Variants in OR11H12 observed in about 807,000 individuals in gnomAD.
OR11H12 encodes the protein olfactory receptor family 11 subfamily H member 12.
OR11H12 carries 10 observed loss-of-function variants against 19.8 expected under a neutral mutation model. That is an observed-to-expected ratio of 0.51 (90% confidence interval 0.31 to 0.86). The LOEUF (loss-of-function observed/expected upper bound fraction) is 0.86, where lower values mean the gene tolerates loss of function less well. OR11H12 is among the 40% of genes least tolerant of loss of function. The pLI is 0.04. For missense variants in OR11H12, 123 were observed against 384.2 expected (o/e 0.32, Z 5.68); for synonymous variants, 40 against 140.5 (o/e 0.28, Z 5.06).
In OR11H12 at chr14:18,601,983, A is replaced by C; in HGVS notation, c.867A>C (p.Glu289Asp). Residue 289 changes from glutamate to aspartate, a missense_variant, in exon 1 of 1, where the codon GAA (glutamate) becomes GAC (aspartate). By Grantham distance (45) the Glu-to-Asp change is conservative (BLOSUM62 2). Coordinates refer to ENST00000550708, the MANE Select transcript of OR11H12 (RefSeq NM_001013354.1). The part of the protein sequence containing the change: ...LGHSTGMQKI[E>D]TLFYAMVTPL... ...ATTCTACAGGGATGCAGAAAATTGA[A>C]ACTTTGTTCTATGCTATGGTGACCC... 7.7e-7 allele frequency: 1 copy of C among 1,305,322 alleles called. No individual in the cohort carries two copies. The highest frequency in any genetic ancestry group is 1.1e-6 in the Non-Finnish European group (1 of 927,876). The allele number at this position is 1,305,322 out of a possible 1,614,324, so 80.9% of individuals were successfully genotyped here. A position where few individuals can be genotyped will look rare whatever the true frequency, so the allele number is the denominator to read the frequency against.
rs537238249 is a variant in OR11H12, at chr14:18,601,336, A to G, written c.220A>G (p.Met74Val). Reference sequence around the variant, plus strand: ...GTGTGACTGGCGACTTCACACTCCCATGTACATGTTCCTGGGAAATTTCTC... The same window carrying G: ...GTGTGACTGGCGACTTCACACTCCCGTGTACATGTTCCTGGGAAATTTCTC... ...LWCDWRLHTP[M>V]YMFLGNFSFL... Residue 74 changes from methionine to valine, a missense_variant, in exon 1 of 1, where the codon ATG becomes GTG. Physicochemically the swap from Met to Val is conservative, Grantham distance 21. Transcript: ENST00000550708. 22 of 1,525,698 alleles carry G rather than the reference A, an allele frequency of 1.4e-5. 2 individuals carry two copies. The South Asian group carries it at 2.5e-4, about 17-fold the overall frequency. The allele number at this position is 1,525,698 out of a possible 1,614,324, so 94.5% of individuals were successfully genotyped here.
Position 18,601,280 on chromosome 14 carries a change from C to A in OR11H12, c.164C>A (p.Thr55Lys). Residue 55 changes from threonine (T) to lysine (K), a missense_variant, in exon 1 of 1, where the codon ACA becomes AAA. Transcript: ENST00000550708. ...ACTACAACATATGCACTGACTATAA[C>A]AGGGAATGGAGCCATTGCTTTTGTC... The part of the protein sequence containing the change: ...LFTTTYALTI[T>K]GNGAIAFVLW... The A allele has an allele frequency of 6.3e-7, 1 of 1,587,320 alleles. No homozygotes were observed. Among genetic ancestry groups the A allele is most frequent in the South Asian group, 1.1e-5 (1 of 90,302 alleles).
Position 18,601,204 on chromosome 14 carries a change from C to G in OR11H12, c.88C>G (p.Gln30Glu), listed in dbSNP as rs376617469. Residue 30 changes from glutamine (Q) to glutamate (E), a missense_variant, in exon 1 of 1, where the codon CAA becomes GAA. By Grantham distance (29) the Gln-to-Glu change is conservative. Transcript: ENST00000550708. ...TGCTTTTGTAAATGAATTTATACTCCAAGGTTTCACTTGTGAGTGGACAAT... is the reference window on the plus strand; with the variant it reads ...TGCTTTTGTAAATGAATTTATACTCGAAGGTTTCACTTGTGAGTGGACAAT... ...SFAFVNEFILQGFTCEWTIQI... is the reference protein window; with the variant it reads ...SFAFVNEFILEGFTCEWTIQI... 3.7e-6 allele frequency: 6 copies of G among 1,608,868 alleles called. No individual in the cohort carries two copies. The African/African-American group carries it at 5.5e-5, about 15-fold the overall frequency.
Position 18,601,322 on chromosome 14 carries a change from G to A in OR11H12, c.206G>A (p.Arg69Gln), listed in dbSNP as rs149127676. The A allele has an allele frequency of 3.8e-3, 5,768 of 1,504,224 alleles. 1,083 individuals carry two copies. The highest frequency in any genetic ancestry group is 4.7e-3 in the Non-Finnish European group (5,178 of 1,101,804). The allele number at this position is 1,504,224 out of a possible 1,614,324, so 93.2% of individuals were successfully genotyped here. A position where few individuals can be genotyped will look rare whatever the true frequency, so the allele number is the denominator to read the frequency against. The part of the protein sequence containing the change: ...AIAFVLWCDW[R>Q]LHTPMYMFLG... ...GCTTTTGTCCTGTGGTGTGACTGGC[G>A]ACTTCACACTCCCATGTACATGTTC... Residue 69 changes from arginine to glutamine, a missense_variant, in exon 1 of 1, where the codon CGA becomes CAA. Transcript: ENST00000550708.
rs376279854 is a variant in OR11H12 at position 18,601,329 on chromosome 14, C to A, written c.213C>A (p.His71Gln). Residue 71 changes from histidine to glutamine, a missense_variant, in exon 1 of 1, where the codon CAC becomes CAA. Physicochemically the swap from His to Gln is conservative, Grantham distance 24. Coordinates refer to ENST00000550708, the MANE Select transcript of OR11H12 (RefSeq NM_001013354.1). The stretch of plus-strand genomic sequence containing the variant: ...TCCTGTGGTGTGACTGGCGACTTCA[C>A]ACTCCCATGTACATGTTCCTGGGAA... The part of the protein sequence containing the change: ...AFVLWCDWRL[H>Q]TPMYMFLGNF... 4.8e-5 allele frequency: 73 copies of A among 1,512,722 alleles called. 14 individuals are homozygous for A. The highest frequency in any genetic ancestry group is 4.9e-4 in the Middle Eastern group (2 of 4,110). 93.7% of individuals were successfully genotyped at this position (1,512,722 alleles called of 1,614,324 possible).
At position 18,601,176 on chromosome 14, in the gene OR11H12, C is replaced by A; in HGVS notation, c.60C>A (p.Ser20Arg). 6.2e-7 allele frequency: 1 copy of A among 1,608,294 alleles called. No individual in the cohort carries two copies. Among genetic ancestry groups the A allele is most frequent in the Non-Finnish European group, 8.5e-7 (1 of 1,179,358 alleles). ...TGAATGTCTCTGAGCCAAATTCCAG[C>A]TTTGCTTTTGTAAATGAATTTATAC... ...GLMNVSEPNS[S>R]FAFVNEFILQ... The change falls in exon 1 of 1, where the codon AGC (serine) becomes AGA (arginine). Residue 20 changes from serine to arginine, a missense_variant. Ser to Arg is a moderately radical substitution (Grantham distance 110). Transcript: ENST00000550708.
In OR11H12 at chr14:18,601,178, T is replaced by C; in HGVS notation, c.62T>C (p.Phe21Ser). Residue 21 changes from phenylalanine to serine, a missense_variant, in exon 1 of 1, where the codon TTT becomes TCT. By Grantham distance (155) the Phe-to-Ser change is radical (BLOSUM62 -2). Transcript: ENST00000550708. ...AATGTCTCTGAGCCAAATTCCAGCT[T>C]TGCTTTTGTAAATGAATTTATACTC... ...LMNVSEPNSS[F>S]AFVNEFILQG... is the part of the protein sequence containing the mutation. 2 of 1,608,412 alleles carry C rather than the reference T, an allele frequency of 1.2e-6. No homozygotes were observed. Among genetic ancestry groups the C allele is most frequent in the South Asian group, 1.1e-5 (1 of 90,864 alleles).
In OR11H12 at chr14:18,601,233, G is replaced by C. The variant is rs750762025; in HGVS notation, c.117G>C (p.Gln39His). ...GTTTCACTTGTGAGTGGACAATTCA[G>C]ATCTTCCTCTTCTCACTCTTTACTA... ...LQGFTCEWTI[Q>H]IFLFSLFTTT... Residue 39 changes from glutamine (Q) to histidine (H), a missense_variant, in exon 1 of 1, where the codon CAG (glutamine) becomes CAC (histidine). Coordinates refer to ENST00000550708, the MANE Select transcript of OR11H12 (RefSeq NM_001013354.1). 1.9e-6 allele frequency: 3 copies of C among 1,608,632 alleles called. No homozygotes were observed. Among genetic ancestry groups the C allele is most frequent in the South Asian group, 1.1e-5 (1 of 90,910 alleles).
At position 18,601,294 on chromosome 14, in the gene OR11H12, A is replaced by C. The variant is rs778530856; in HGVS notation, c.178A>C (p.Ile60Leu). Residue 60 changes from isoleucine to leucine, a missense_variant, in exon 1 of 1, where the codon ATT becomes CTT. By Grantham distance (5) the Ile-to-Leu change is conservative (BLOSUM62 2). Coordinates refer to ENST00000550708, the MANE Select transcript of OR11H12 (RefSeq NM_001013354.1). ...ACTGACTATAACAGGGAATGGAGCCATTGCTTTTGTCCTGTGGTGTGACTG... is the reference window on the plus strand; with the variant it reads ...ACTGACTATAACAGGGAATGGAGCCCTTGCTTTTGTCCTGTGGTGTGACTG... ...YALTITGNGAIAFVLWCDWRL... is the reference protein window; with the variant it reads ...YALTITGNGALAFVLWCDWRL... 1.2e-5 allele frequency: 18 copies of C among 1,549,688 alleles called. No homozygotes were observed. The East Asian group carries it at 4.1e-4, about 35-fold the overall frequency.
Position 18,601,238 on chromosome 14 carries a change from T to G in OR11H12, c.122T>G (p.Phe41Cys), listed in dbSNP as rs1361675808. ...GFTCEWTIQI[F>C]LFSLFTTTYA... ...ACTTGTGAGTGGACAATTCAGATCT[T>G]CCTCTTCTCACTCTTTACTACAACA... Residue 41 changes from phenylalanine (F) to cysteine (C), a missense_variant, in exon 1 of 1, where the codon TTC (phenylalanine) becomes TGC (cysteine). Coordinates refer to ENST00000550708, the MANE Select transcript of OR11H12 (RefSeq NM_001013354.1). 2.5e-6 allele frequency: 4 copies of G among 1,608,424 alleles called. No homozygotes were observed. The highest frequency in any genetic ancestry group is 3.4e-6 in the Non-Finnish European group (4 of 1,179,370).
rs372805123 is a variant in OR11H12 at position 18,601,323 on chromosome 14, A to G, written c.207A>G (p.Arg69=). 9.3e-6 allele frequency: 14 copies of G among 1,505,694 alleles called. 3 individuals are homozygous for G. Among genetic ancestry groups the G allele is most frequent in the Non-Finnish European group, 1.3e-5 (14 of 1,102,742 alleles). 93.3% of individuals were successfully genotyped at this position (1,505,694 alleles called of 1,614,324 possible). The change falls in exon 1 of 1, where the codon CGA becomes CGG. Residue 69 remains arginine (R), a synonymous_variant. Coordinates refer to ENST00000550708, the MANE Select transcript of OR11H12 (RefSeq NM_001013354.1). ...AIAFVLWCDW[R]LHTPMYMFLG... is the part of the protein sequence containing the mutation. ...CTTTTGTCCTGTGGTGTGACTGGCG[A>G]CTTCACACTCCCATGTACATGTTCC... is the stretch of plus-strand genomic sequence containing the variant.
rs1437987441 is a variant in OR11H12, at chr14:18,601,201, C to A, written c.85C>A (p.Leu29Ile). The change falls in exon 1 of 1, where the codon CTC becomes ATC. Residue 29 changes from leucine to isoleucine, a missense_variant. Coordinates refer to ENST00000550708, the MANE Select transcript of OR11H12 (RefSeq NM_001013354.1). ...SSFAFVNEFI[L>I]QGFTCEWTIQ... The stretch of plus-strand genomic sequence containing the variant: ...CTTTGCTTTTGTAAATGAATTTATA[C>A]TCCAAGGTTTCACTTGTGAGTGGAC... The A allele has an allele frequency of 2.5e-6, 4 of 1,609,154 alleles. No homozygotes were observed. Among genetic ancestry groups the A allele is most frequent in the East Asian group, 4.5e-5 (2 of 44,784 alleles).
chr14:18,601,273 A>G lies in OR11H12; in HGVS notation c.157A>G (p.Thr53Ala), dbSNP rs1197034989. Reference protein sequence around the residue: ...FSLFTTTYALTITGNGAIAFV... With the variant: ...FSLFTTTYALAITGNGAIAFV... The stretch of plus-strand genomic sequence containing the variant: ...ACTCTTTACTACAACATATGCACTG[A>G]CTATAACAGGGAATGGAGCCATTGC... Residue 53 changes from threonine (T) to alanine (A), a missense_variant, in exon 1 of 1, where the codon ACT (threonine) becomes GCT (alanine). Transcript: ENST00000550708. 2 of 1,598,868 alleles carry G rather than the reference A, an allele frequency of 1.3e-6. No individual in the cohort carries two copies. The highest frequency in any genetic ancestry group is 1.7e-6 in the Non-Finnish European group (2 of 1,174,928).
At position 18,601,343 on chromosome 14, in the gene OR11H12, T is replaced by A. The variant is rs767905986; in HGVS notation, c.227T>A (p.Met76Lys). 3.2e-6 allele frequency: 5 copies of A among 1,544,214 alleles called. No homozygotes were observed. Among genetic ancestry groups the A allele is most frequent in the East Asian group, 4.6e-5 (2 of 43,898 alleles). Residue 76 changes from methionine (M) to lysine (K), a missense_variant, in exon 1 of 1, where the codon ATG (methionine) becomes AAG (lysine). Coordinates refer to ENST00000550708, the MANE Select transcript of OR11H12 (RefSeq NM_001013354.1). ...CDWRLHTPMY[M>K]FLGNFSFLEI... ...TGGCGACTTCACACTCCCATGTACA[T>A]GTTCCTGGGAAATTTCTCCTTTTTA... is the stretch of plus-strand genomic sequence containing the variant.
rs202079030 is a variant in OR11H12 at position 18,601,332 on chromosome 14, T to C, written c.216T>C (p.Thr72=). The part of the protein sequence containing the change: ...FVLWCDWRLH[T]PMYMFLGNFS... The stretch of plus-strand genomic sequence containing the variant: ...TGTGGTGTGACTGGCGACTTCACAC[T>C]CCCATGTACATGTTCCTGGGAAATT... The change falls in exon 1 of 1, where the codon ACT becomes ACC. Residue 72 remains threonine (T), a synonymous_variant. Coordinates refer to ENST00000550708, the MANE Select transcript of OR11H12 (RefSeq NM_001013354.1). The C allele has an allele frequency of 9.9e-6, 15 of 1,516,854 alleles. 2 individuals carry two copies. The highest frequency in any genetic ancestry group is 2.3e-5 in the East Asian group (1 of 43,704). The allele number at this position is 1,516,854 out of a possible 1,614,324, so 94.0% of individuals were successfully genotyped here. A position where few individuals can be genotyped will look rare whatever the true frequency, so the allele number is the denominator to read the frequency against.
Position 18,601,224 on chromosome 14 carries a change from G to T in OR11H12, c.108G>T (p.Trp36Cys), listed in dbSNP as rs757770561. ...TACTCCAAGGTTTCACTTGTGAGTG[G>T]ACAATTCAGATCTTCCTCTTCTCAC... ...EFILQGFTCE[W>C]TIQIFLFSLF... The change falls in exon 1 of 1, where the codon TGG (tryptophan) becomes TGT (cysteine). Residue 36 changes from tryptophan (W) to cysteine (C), a missense_variant. Trp to Cys is a radical substitution (Grantham distance 215). Coordinates refer to ENST00000550708, the MANE Select transcript of OR11H12 (RefSeq NM_001013354.1). 13 of 1,608,832 alleles carry T rather than the reference G, an allele frequency of 8.1e-6. No homozygotes were observed. Among genetic ancestry groups the T allele is most frequent in the Non-Finnish European group, 1.1e-5 (13 of 1,179,456 alleles).
chr14:18,601,223 G>T lies in OR11H12; in HGVS notation c.107G>T (p.Trp36Leu), dbSNP rs1277115750. ...ATACTCCAAGGTTTCACTTGTGAGT[G>T]GACAATTCAGATCTTCCTCTTCTCA... ...EFILQGFTCE[W>L]TIQIFLFSLF... The change falls in exon 1 of 1, where the codon TGG (tryptophan) becomes TTG (leucine). Residue 36 changes from tryptophan to leucine, a missense_variant. Physicochemically the swap from Trp to Leu is moderately conservative, Grantham distance 61. Coordinates refer to ENST00000550708, the MANE Select transcript of OR11H12 (RefSeq NM_001013354.1). 9 of 1,609,002 alleles carry T rather than the reference G, an allele frequency of 5.6e-6. No homozygotes were observed. Among genetic ancestry groups the T allele is most frequent in the Admixed American group, 1.7e-5 (1 of 59,732 alleles).
In OR11H12 at chr14:18,601,244, T is replaced by C; in HGVS notation, c.128T>C (p.Phe43Ser). 1 of 1,607,904 alleles carries C rather than the reference T, an allele frequency of 6.2e-7. No homozygotes were observed. Among genetic ancestry groups the C allele is most frequent in the South Asian group, 1.1e-5 (1 of 90,884 alleles). Reference sequence around the variant, plus strand: ...GAGTGGACAATTCAGATCTTCCTCTTCTCACTCTTTACTACAACATATGCA... The same window carrying C: ...GAGTGGACAATTCAGATCTTCCTCTCCTCACTCTTTACTACAACATATGCA... Reference protein sequence around the residue: ...TCEWTIQIFLFSLFTTTYALT... With the variant: ...TCEWTIQIFLSSLFTTTYALT... Residue 43 changes from phenylalanine (F) to serine (S), a missense_variant, in exon 1 of 1, where the codon TTC becomes TCC. Phe to Ser is a radical substitution (Grantham distance 155). Coordinates refer to ENST00000550708, the MANE Select transcript of OR11H12 (RefSeq NM_001013354.1).
Position 18,601,259 on chromosome 14 carries a change from C to A in OR11H12, c.143C>A (p.Thr48Lys). The change falls in exon 1 of 1, where the codon ACA (threonine) becomes AAA (lysine). Residue 48 changes from threonine to lysine, a missense_variant. Thr to Lys is a moderately conservative substitution (Grantham distance 78). Coordinates refer to ENST00000550708, the MANE Select transcript of OR11H12 (RefSeq NM_001013354.1). ...IQIFLFSLFT[T>K]TYALTITGNG... ...ATCTTCCTCTTCTCACTCTTTACTACAACATATGCACTGACTATAACAGGG... is the reference window on the plus strand; with the variant it reads ...ATCTTCCTCTTCTCACTCTTTACTAAAACATATGCACTGACTATAACAGGG... 3 of 1,605,626 alleles carry A rather than the reference C, an allele frequency of 1.9e-6. No homozygotes were observed. The highest frequency in any genetic ancestry group is 1.7e-5 in the Admixed American group (1 of 59,436).
Sources: gnomAD v4.1 joint callset for allele counts on GRCh38, gnomAD v4.1.1 for gene constraint, MANE v1.5 for transcripts, NCBI Gene and HGNC (gene_info 2026-07-23, HGNC 2026-07-21) for gene names.